TEX9: variants seen among roughly 807,000 people sequenced by gnomAD.
TEX9 encodes the protein testis expressed 9.
A neutral mutation model predicts 59.6 loss-of-function variants in TEX9; 74 were observed. The observed-to-expected ratio is 1.24, with a 90% CI of 1.03 to 1.51. The LOEUF (loss-of-function observed/expected upper bound fraction) is 1.51. TEX9 is among the 40% of genes most tolerant of loss of function. TEX9 has a pLI of 0.00. For missense variants in TEX9, 522 were observed against 447.8 expected, an observed-to-expected ratio of 1.17 and a Z score of -1.49; for synonymous variants, 186 against 152.2, an observed-to-expected ratio of 1.22 and a Z score of -1.64.
intron 2 of TEX9, 199 bp downstream of exon 2, chr15:56,365,869 T>G: frequency 7.1e-7 from 1 of 1,401,904 alleles, no homozygotes; most frequent in Non-Finnish European, 9.2e-7. Context: ...AGAAGATATT[T>G]GAAGTGGGCG....
intron 9 of TEX9, among the ~76,000 whole-genome samples, chr15:56,406,414 C>T (rs74015424): frequency 0.023 from 3,515 of 152,212 alleles, 143 homozygotes; most frequent in African/African-American, 0.081. Flanking sequence ...CAGTGAATTT[C>T]CATGTACAAG....
At chr15:56,250,879 A>C (rs1157653301) in intron 1 of TEX9, among the ~76,000 whole-genome samples, 2 of 152,254 alleles carry the variant, frequency 1.3e-5, no homozygotes, top group African/African-American at 2.4e-5. Context: ...CTAATTAACC[A>C]CATCTGCAAA....
chr15:56,366,669 A>C (rs886307096), intron 2 of TEX9, among the ~76,000 whole-genome samples: 5 of 152,226 alleles, frequency 3.3e-5, no homozygotes, highest in African/African-American at 1.2e-4. Context: ...CCTTATAAAA[A>C]AGTGCCTTTT....
At chr15:56,277,266 G>A (rs2044693642) in intron 1 of TEX9, among the ~76,000 whole-genome samples, 1 of 152,112 alleles carries the variant, frequency 6.6e-6, no homozygotes, top group Admixed American at 6.6e-5. Context: ...TGTCCTGAAT[G>A]GTATTGCCTA....
intron 1 of TEX9, among the ~76,000 whole-genome samples, chr15:56,284,405 G>A (rs1162339280): frequency 6.6e-6 from 1 of 152,028 alleles, no homozygotes; most frequent in Non-Finnish European, 1.5e-5. Flanking sequence ...TAAGATACTG[G>A]CTAAGTAAAC....
At chr15:56,287,850 G>T (rs1311188238) in intron 1 of TEX9, among the ~76,000 whole-genome samples, 1 of 151,994 alleles carries the variant, frequency 6.6e-6, no homozygotes, top group South Asian at 2.1e-4. Flanking sequence ...AAATGACAGG[G>T]TTTCCTTCCT....
At chr15:56,268,338 C>G (rs2044440070) in intron 1 of TEX9, among the ~76,000 whole-genome samples, 1 of 152,154 alleles carries the variant, frequency 6.6e-6, no homozygotes, top group South Asian at 2.1e-4. Flanking sequence ...CCTGGTTGCC[C>G]TGGCCAAAAC....
At chr15:56,318,768 G>T (rs909363590) in intron 1 of TEX9, among the ~76,000 whole-genome samples, 2 of 151,944 alleles carry the variant, frequency 1.3e-5, no homozygotes, top group Admixed American at 1.3e-4. Context: ...TAATACCATT[G>T]TAATTTTAAT....
At chr15:56,444,594 T>G in intron 12 of TEX9, 1 of 1,613,450 alleles carries the variant, frequency 6.2e-7, no homozygotes, top group South Asian at 1.1e-5. Flanking sequence ...TTTGTTTCGT[T>G]TGTCTTCTGC....
At chr15:56,433,263 G>C (rs77243098) in intron 12 of TEX9, among the ~76,000 whole-genome samples, 3 of 151,060 alleles carry the variant, frequency 2.0e-5, no homozygotes, top group African/African-American at 4.9e-5. Context: ...GTCGGGGGGT[G>C]GGGGGGACAA....
chr15:56,391,559 G>A (rs757600128), intron 7 of TEX9, 141 bp downstream of exon 7: 23 of 528,118 alleles, frequency 4.4e-5, no homozygotes, highest in Non-Finnish European at 6.9e-5. Context: ...AGGATGTGGT[G>A]GAGGGAGGAA....
chr15:56,286,528 G>T (rs1246290681), intron 1 of TEX9, among the ~76,000 whole-genome samples: 2 of 152,150 alleles, frequency 1.3e-5, no homozygotes, highest in African/African-American at 2.4e-5. Flanking sequence ...CACTAAACTG[G>T]CATAAAAGCA....
intron 1 of TEX9, among the ~76,000 whole-genome samples, chr15:56,331,855 A>C (rs927088241): frequency 4.7e-5 from 7 of 149,346 alleles, no homozygotes; most frequent in Admixed American, 1.3e-4. Flanking sequence ...TGCAGCCAAA[A>C]AACACATGAA....
At chr15:56,323,642 G>T in intron 1 of TEX9, 1 of 157,640 alleles carries the variant, frequency 6.3e-6, no homozygotes, top group South Asian at 1.8e-4. Flanking sequence ...TGAGAAAAAG[G>T]AGGAAGAGGA....
At chr15:56,305,315 G>A (rs2045453045) in intron 1 of TEX9, among the ~76,000 whole-genome samples, 1 of 151,776 alleles carries the variant, frequency 6.6e-6, no homozygotes, top group African/African-American at 2.4e-5. Flanking sequence ...ACCCAGAATG[G>A]CCAAGGTCAC....
intron 1 of TEX9, among the ~76,000 whole-genome samples, chr15:56,283,289 G>A (rs761182520): frequency 2.6e-5 from 4 of 151,978 alleles, no homozygotes; most frequent in Admixed American, 6.6e-5. Flanking sequence ...TAAAACGCAT[G>A]CAATCAATGA....
At chr15:56,330,889 C>T (rs2046125934) in intron 1 of TEX9, among the ~76,000 whole-genome samples, 1 of 151,784 alleles carries the variant, frequency 6.6e-6, no homozygotes, top group Admixed American at 6.6e-5. Context: ...AAAAATAGGA[C>T]CCAATGATCT....
chr15:56,291,362 A>T (rs2045085898), intron 1 of TEX9, among the ~76,000 whole-genome samples: 1 of 152,056 alleles, frequency 6.6e-6, no homozygotes, highest in African/African-American at 2.4e-5. Flanking sequence ...CCTTGTGGAG[A>T]CCTCTTACTT....
chr15:56,402,802 A>T (rs2048864181), intron 9 of TEX9, among the ~76,000 whole-genome samples: 1 of 152,226 alleles, frequency 6.6e-6, no homozygotes, highest in Admixed American at 6.5e-5. Context: ...AGTCGGCTTC[A>T]TCCCTGGTTG....
Sources: allele counts gnomAD v4.1 joint callset (sites outside exome capture counted in the v4.1 genomes callset), GRCh38; gene constraint gnomAD v4.1.1; transcripts MANE v1.5; gene names NCBI Gene and HGNC (gene_info 2026-07-23, HGNC 2026-07-21).